GPR107: variants seen among roughly 807,000 people sequenced by gnomAD.
The protein encoded by GPR107 is G protein-coupled receptor 107.
In GPR107, 31 loss-of-function variants were observed where a neutral mutation model predicts 75.5. The observed-to-expected ratio is 0.41, with a 90% CI of 0.31 to 0.55. The LOEUF (loss-of-function observed/expected upper bound fraction) is 0.55. Among genes scored for constraint, GPR107 ranks in the 20% least tolerant of loss-of-function variants. The probability of loss-of-function intolerance (pLI) is 0.26; values close to 1 mark genes in which losing one functional copy is unlikely to be tolerated. For synonymous variants in GPR107, 267 were observed against 251.3 expected, an observed-to-expected ratio of 1.06 and a Z score of -0.59; for missense variants, 572 against 665.7, an observed-to-expected ratio of 0.86 and a Z score of 1.55.
intron 14 of GPR107, among the ~76,000 whole-genome samples, chr9:130,118,503 G>A (rs1479570530): frequency 6.6e-6 from 1 of 152,004 alleles, no homozygotes; most frequent in East Asian, 1.9e-4. Context: ...TGCCTCAGTG[G>A]GCACTTGTCC....
At chr9:130,110,348 G>T in intron 14 of GPR107, 2 of 1,480,080 alleles carry the variant, frequency 1.4e-6, no homozygotes. Context: ...ACACAAGGCA[G>T]TTTCTCATTT....
In GPR107 at chr9:130,112,541, T is replaced by A. The variant is rs1426434458; in HGVS notation, c.1306+5002T>A. ...GGGGGTGAAAAAGGCTCATATCACT[T>A]AAGAATGGTCTTGAAATAATAAAAC... On this transcript the variant is annotated intron_variant, in intron 14 of 17. Coordinates refer to ENST00000347136, the MANE Select transcript of GPR107 (RefSeq NM_020960.5). This position sits in a 1 kb window ranked among gnomAD's most constrained non-coding sequence, Gnocchi z 4.0. Among the ~76,000 whole-genome samples the A allele has an allele frequency of 6.6e-6, 1 of 152,182 alleles. No homozygotes were observed. The highest frequency in any genetic ancestry group is 6.5e-5 in the Admixed American group (1 of 15,280).
chr9:130,131,953 T>C (rs1831837352), intron 17 of GPR107, among the ~76,000 whole-genome samples: 1 of 152,070 alleles, frequency 6.6e-6, no homozygotes, highest in Non-Finnish European at 1.5e-5. Flanking sequence ...CTATCACAGC[T>C]CACTGCAGGC....
Position 130,136,743 on chromosome 9 carries a change from T to G in GPR107, c.*1622T>G, listed in dbSNP as rs1831967655. Reference sequence around the variant, plus strand: ...GAAGCGGGTGTTCTTTTTCTGCACTTTGATTCGCCATCTGGGTTCTGTAGG... The same window carrying G: ...GAAGCGGGTGTTCTTTTTCTGCACTGTGATTCGCCATCTGGGTTCTGTAGG... On this transcript the variant is annotated 3_prime_UTR_variant, in exon 18 of 18. Transcript: ENST00000347136. 1 of 152,292 alleles carries G rather than the reference T, an allele frequency of 6.6e-6. No homozygotes were observed. The highest frequency in any genetic ancestry group is 2.1e-4 in the South Asian group (1 of 4,830). 9.4% of individuals were successfully genotyped at this position (152,292 alleles called of 1,614,324 possible). A position where few individuals can be genotyped will look rare whatever the true frequency, so the allele number is the denominator to read the frequency against.
At chr9:130,111,038 A>C (rs1831286255) in intron 14 of GPR107, among the ~76,000 whole-genome samples, 1 of 151,880 alleles carries the variant, frequency 6.6e-6, no homozygotes, top group African/African-American at 2.4e-5. Context: ...ATTTTTGTAG[A>C]GATGAGGTCT....
intron 9 of GPR107, among the ~76,000 whole-genome samples, chr9:130,093,433 A>G (rs1345620284): frequency 6.6e-6 from 1 of 152,232 alleles, no homozygotes; most frequent in Non-Finnish European, 1.5e-5. Context: ...TCATAGAATA[A>G]TTAAGCACCC....
intron 7 of GPR107, among the ~76,000 whole-genome samples, 176 bp from the exon 8 acceptor site, chr9:130,090,700 T>G (rs1404890395): frequency 1.3e-5 from 2 of 152,352 alleles, no homozygotes; most frequent in South Asian, 4.1e-4. Context: ...ATTTAAGCAG[T>G]CTGTCTTTAT....
chr9:130,101,078 G>C (rs773582610), intron 11 of GPR107, 28 bp from the exon 12 acceptor site: 1 of 1,214,904 alleles, frequency 8.2e-7, no homozygotes. Context: ...GAGACCTGCT[G>C]GTGTCTGTTC....
At position 130,137,206 on chromosome 9, in the gene GPR107, G is replaced by A. The variant is rs1831981080; in HGVS notation, c.*2085G>A. The A allele has an allele frequency of 6.6e-6, 1 of 152,298 alleles. No individual in the cohort carries two copies. Among genetic ancestry groups the A allele is most frequent in the Non-Finnish European group, 1.5e-5 (1 of 68,066 alleles). The allele number at this position is 152,298 out of a possible 1,614,324, so 9.4% of individuals were successfully genotyped here. A position where few individuals can be genotyped will look rare whatever the true frequency, so the allele number is the denominator to read the frequency against. ...CCTGCTCGGAAGGGTCTCCGTGGAG[G>A]TGTCCTCATTTCACATGCTGGGTTT... On this transcript the variant is annotated 3_prime_UTR_variant, in exon 18 of 18. Transcript: ENST00000347136.
At chr9:130,057,502 A>T (rs1358752188) in intron 1 of GPR107, among the ~76,000 whole-genome samples, 3 of 17,382 alleles carry the variant, frequency 1.7e-4, no homozygotes, top group African/African-American at 3.2e-4. Flanking sequence ...CCTATTTCTT[A>T]AAAAAAAAAA....
chr9:130,134,348 T>G (rs1831900732), intron 17 of GPR107, among the ~76,000 whole-genome samples: 1 of 152,236 alleles, frequency 6.6e-6, no homozygotes, highest in Non-Finnish European at 1.5e-5. Context: ...ACCAGCGATC[T>G]TCCATTTTTA....
intron 10 of GPR107, among the ~76,000 whole-genome samples, chr9:130,100,189 C>A (rs1051554539): frequency 1.3e-5 from 2 of 152,128 alleles, no homozygotes; most frequent in African/African-American, 4.8e-5. Flanking sequence ...GCCACCACGC[C>A]CGGCCTCCAC....
In GPR107 at chr9:130,099,552, G is replaced by T; in HGVS notation, c.939+20G>T. Reference sequence around the variant, plus strand: ...CATGCAGTATGTATTAGCATTTTGAGGATCATTCATGAAATTACGTATAAT... The same window carrying T: ...CATGCAGTATGTATTAGCATTTTGATGATCATTCATGAAATTACGTATAAT... On this transcript the variant is annotated intron_variant, in intron 10 of 17. Coordinates refer to ENST00000347136, the MANE Select transcript of GPR107 (RefSeq NM_020960.5). The T allele has an allele frequency of 7.0e-7, 1 of 1,428,440 alleles. No individual in the cohort carries two copies. 88.5% of individuals were successfully genotyped at this position (1,428,440 alleles called of 1,614,324 possible).
intron 1 of GPR107, among the ~76,000 whole-genome samples, chr9:130,060,924 G>A (rs545956140): frequency 6.6e-6 from 1 of 152,274 alleles, no homozygotes; most frequent in Non-Finnish European, 1.5e-5. Flanking sequence ...CTCGCTGATG[G>A]GATCTAGACT....
intron 1 of GPR107, among the ~76,000 whole-genome samples, chr9:130,068,120 C>G (rs1049222850): frequency 6.7e-5 from 10 of 149,770 alleles, no homozygotes; most frequent in Non-Finnish European, 1.0e-4. Context: ...CCTGAAGGTA[C>G]TTTTTGCTTA....
Position 130,053,947 on chromosome 9 carries a change from G to A in GPR107, c.15G>A (p.Ala5=). 5 of 1,556,448 alleles carry A rather than the reference G, an allele frequency of 3.2e-6. No individual in the cohort carries two copies. In the South Asian group the frequency reaches 4.7e-5, roughly 15 times the overall value. Residue 5 remains alanine (A), a synonymous_variant, in exon 1 of 18, where the codon GCG becomes GCA. Coordinates refer to ENST00000347136, the MANE Select transcript of GPR107 (RefSeq NM_020960.5). The part of the protein sequence containing the change: MAAL[A]PVGSPASRGP... ...CTGGAACAAACATGGCCGCTCTGGCGCCCGTCGGCTCCCCCGCCTCCCGCG... is the reference window on the plus strand; with the variant it reads ...CTGGAACAAACATGGCCGCTCTGGCACCCGTCGGCTCCCCCGCCTCCCGCG...
chr9:130,089,148 C>T (rs1052126586), intron 7 of GPR107, among the ~76,000 whole-genome samples: 8 of 151,496 alleles, frequency 5.3e-5, no homozygotes, highest in Middle Eastern at 3.4e-3. Context: ...CCAGCTCGGG[C>T]GACAGTCTGA....
At chr9:130,107,307 T>C (rs534866044) in intron 13 of GPR107, among the ~76,000 whole-genome samples, 189 bp from the exon 14 acceptor site, 37 of 152,258 alleles carry the variant, frequency 2.4e-4, no homozygotes, top group African/African-American at 8.9e-4. Flanking sequence ...AGAGGGCGAC[T>C]TTACCTCAGA....
chr9:130,133,992 G>C (rs782236850), intron 17 of GPR107, among the ~76,000 whole-genome samples: 4 of 152,198 alleles, frequency 2.6e-5, no homozygotes, highest in Non-Finnish European at 5.9e-5. Flanking sequence ...CCATTTGTAG[G>C]GGAAGGGGTT....
Sources: gnomAD v4.1 joint callset for allele counts (sites outside exome capture counted in the v4.1 genomes callset) on GRCh38, gnomAD v4.1.1 for gene constraint, Gnocchi (gnomAD v3.1) non-coding constraint, MANE v1.5 for transcripts, NCBI Gene and HGNC (gene_info 2026-07-23, HGNC 2026-07-21) for gene names.